The following NKAIN3 variants were observed in gnomAD, a reference collection of about 807,000 sequenced individuals.
The protein encoded by NKAIN3 is sodium/potassium-transporting ATPase subunit beta-1-interacting protein 3.
In NKAIN3, 25 loss-of-function variants were observed where a neutral mutation model predicts 30.2. That is an observed-to-expected ratio of 0.83 (90% CI 0.60 to 1.16). The LOEUF is 1.16. NKAIN3 is among the 50% of genes most tolerant of loss of function. The pLI, the probability that NKAIN3 is intolerant of heterozygous loss-of-function variation, is 0.00. For missense variants in NKAIN3, 225 were observed against 254.1 expected, an observed-to-expected ratio of 0.89 and a Z score of 0.78; for synonymous variants, 91 against 89.6, an observed-to-expected ratio of 1.02 and a Z score of -0.09.
chr8:62,801,837 T>C (rs1437395199), intron 4 of NKAIN3, among the ~76,000 whole-genome samples: 7 of 152,092 alleles, frequency 4.6e-5, no homozygotes. Flanking sequence ...CAGGAGGAAA[T>C]TCAAACCAAA....
chr8:62,750,574 C>CCT (rs1386028850), intron 4 of NKAIN3, among the ~76,000 whole-genome samples: 1 of 152,148 alleles, frequency 6.6e-6, no homozygotes, highest in African/African-American at 2.4e-5. Flanking sequence ...TCTGCCGGCG[C>CCT]CTCTGTCCCT....
intron 5 of NKAIN3, among the ~76,000 whole-genome samples, chr8:62,940,064 A>G (rs1822906820): frequency 6.6e-6 from 1 of 152,128 alleles, no homozygotes; most frequent in Non-Finnish European, 1.5e-5. Context: ...GAGGTGGGAA[A>G]AGATATTCCA....
chr8:62,393,606 T>C (rs1294147157), intron 1 of NKAIN3, among the ~76,000 whole-genome samples: 1 of 151,976 alleles, frequency 6.6e-6, no homozygotes, highest in Non-Finnish European at 1.5e-5. Flanking sequence ...CTTACAAATA[T>C]TAACATTGGC....
At chr8:62,328,898 G>T (rs994024332) in intron 1 of NKAIN3, among the ~76,000 whole-genome samples, 2 of 151,992 alleles carry the variant, frequency 1.3e-5, no homozygotes, top group African/African-American at 4.8e-5. Context: ...GTTGCACCAG[G>T]GTTGGTCTGT....
intron 4 of NKAIN3, among the ~76,000 whole-genome samples, chr8:62,836,513 A>G (rs1490027798): frequency 3.3e-5 from 5 of 152,128 alleles, no homozygotes; most frequent in Non-Finnish European, 7.4e-5. Flanking sequence ...AAATTTCAGA[A>G]CTTTTAAAAT....
At chr8:62,856,608 C>G in intron 4 of NKAIN3, 1 of 778,954 alleles carries the variant, frequency 1.3e-6, no homozygotes. Context: ...CTTGTTATGA[C>G]TCATCATGAA....
At chr8:62,597,105 C>T (rs1267037960) in intron 3 of NKAIN3, among the ~76,000 whole-genome samples, 6 of 152,106 alleles carry the variant, frequency 3.9e-5, no homozygotes, top group African/African-American at 1.4e-4. Context: ...AACCCTTTGC[C>T]ACTACATCAG....
At chr8:62,911,610 G>T (rs574234224) in intron 4 of NKAIN3, among the ~76,000 whole-genome samples, 1 of 152,144 alleles carries the variant, frequency 6.6e-6, no homozygotes, top group Admixed American at 6.6e-5. Context: ...TATAGGAAGA[G>T]ACTCTTGATC....
chr8:62,521,107 T>G (rs961553522), intron 1 of NKAIN3, among the ~76,000 whole-genome samples: 6 of 151,796 alleles, frequency 4.0e-5, no homozygotes, highest in Admixed American at 3.3e-4. Context: ...TCATGAGAAC[T>G]GTGTCCCTGG....
intron 1 of NKAIN3, among the ~76,000 whole-genome samples, chr8:62,308,135 T>C (rs911213228): frequency 1.3e-5 from 2 of 150,610 alleles, no homozygotes; most frequent in South Asian, 4.1e-4. Flanking sequence ...TTTCCTCAGA[T>C]AGCTAATTAC....
chr8:62,833,745 T>C (rs982814649), intron 4 of NKAIN3, among the ~76,000 whole-genome samples: 1 of 151,010 alleles, frequency 6.6e-6, no homozygotes, highest in African/African-American at 2.4e-5. Context: ...CTGCAAGATG[T>C]ACAAAGAAGA....
At chr8:62,994,769 T>C (rs1221265828) in intron 5 of NKAIN3, among the ~76,000 whole-genome samples, 1 of 152,152 alleles carries the variant, frequency 6.6e-6, no homozygotes, top group Non-Finnish European at 1.5e-5. Context: ...CTTTCAGGTG[T>C]CATCTTAGGA....
intron 4 of NKAIN3, among the ~76,000 whole-genome samples, chr8:62,821,967 G>A (rs552216793): frequency 6.6e-6 from 1 of 151,528 alleles, no homozygotes; most frequent in Non-Finnish European, 1.5e-5. Flanking sequence ...CTATAGCCTT[G>A]CTACGGAAAA....
chr8:62,904,568 C>G (rs1197294019), intron 4 of NKAIN3, among the ~76,000 whole-genome samples: 1 of 152,168 alleles, frequency 6.6e-6, no homozygotes, highest in Admixed American at 6.5e-5. Flanking sequence ...TGCACACAAG[C>G]AGAGCTGGAG....
At chr8:62,888,737 T>C (rs1821217920) in intron 4 of NKAIN3, among the ~76,000 whole-genome samples, 1 of 152,226 alleles carries the variant, frequency 6.6e-6, no homozygotes, top group Non-Finnish European at 1.5e-5. Context: ...TGTTTTGTGA[T>C]TTAGCTTTTT....
At chr8:62,797,016 C>T (rs1817884527) in intron 4 of NKAIN3, among the ~76,000 whole-genome samples, 1 of 152,134 alleles carries the variant, frequency 6.6e-6, no homozygotes, top group East Asian at 1.9e-4. Context: ...GAACAATAGC[C>T]CCTCTGTGAT....
chr8:62,642,581 C>T (rs561442504), intron 3 of NKAIN3, among the ~76,000 whole-genome samples: 1 of 152,162 alleles, frequency 6.6e-6, no homozygotes, highest in East Asian at 1.9e-4. Context: ...GCAAACAAAG[C>T]AAATAACTGA....
At chr8:62,810,317 T>C (rs767835980) in intron 4 of NKAIN3, among the ~76,000 whole-genome samples, 9 of 152,168 alleles carry the variant, frequency 5.9e-5, no homozygotes, top group Non-Finnish European at 1.2e-4. Flanking sequence ...TCACAAAGCA[T>C]GCCAGCAAGT....
chr8:62,543,147 A>G (rs74475905), intron 1 of NKAIN3, among the ~76,000 whole-genome samples: 12 of 152,324 alleles, frequency 7.9e-5, no homozygotes, highest in African/African-American at 1.2e-4. Context: ...GATCTCTTCA[A>G]CAAAAGGTAT....
Sources: gnomAD v4.1 joint callset for allele counts (sites outside exome capture counted in the v4.1 genomes callset) on GRCh38, gnomAD v4.1.1 for gene constraint, MANE v1.5 for transcripts, NCBI Gene and HGNC (gene_info 2026-07-23, HGNC 2026-07-21) for gene names.